Variants in ESR2 observed in about 807,000 individuals in gnomAD.
ESR2 encodes the protein estrogen receptor 2.
A neutral mutation model predicts 49.6 loss-of-function variants in ESR2; 36 were observed. The ratio of observed to expected loss-of-function variants is 0.73; its 90% CI spans 0.56 to 0.96. The LOEUF (loss-of-function observed/expected upper bound fraction) is 0.96. Ranked by LOEUF, ESR2 falls within the 40% of genes least tolerant of loss-of-function variation. The pLI, the probability that ESR2 is intolerant of heterozygous loss-of-function variation, is 0.00. For synonymous variants in ESR2, 320 were observed against 266.1 expected (o/e 1.20, Z -1.97); for missense variants, 714 against 693.0 (o/e 1.03, Z -0.34).
At chr14:64,246,018 G>T (rs2075848732) in intron 7 of ESR2, among the ~76,000 whole-genome samples, 1 of 152,224 alleles carries the variant, frequency 6.6e-6, no homozygotes, top group Admixed American at 6.5e-5. Context: ...GTCAGAAAGG[G>T]TTGATCTTAT....
chr14:64,313,090 A>G (rs1489711106), intron 1 of ESR2, among the ~76,000 whole-genome samples: 3 of 152,198 alleles, frequency 2.0e-5, no homozygotes, highest in African/African-American at 7.2e-5. Context: ...AGTGTCAAAC[A>G]AAGTAGACTT....
intron 3 of ESR2, among the ~76,000 whole-genome samples, chr14:64,274,230 G>C (rs972453494): frequency 1.4e-4 from 22 of 152,014 alleles, no homozygotes; most frequent in East Asian, 3.9e-4. Context: ...TTATAGGTAT[G>C]AGCCATTGTG....
intron 2 of ESR2, among the ~76,000 whole-genome samples, chr14:64,281,499 TTC>T (rs2076667750): frequency 6.6e-6 from 1 of 152,118 alleles, no homozygotes; most frequent in Non-Finnish European, 1.5e-5. Flanking sequence ...AATGTTTATA[TTC>T]TCTTTACCAA....
downstream of ESR2, chr14:64,227,588 G>A (rs755655602): frequency 6.8e-6 from 11 of 1,614,086 alleles, 1 homozygote; most frequent in South Asian, 1.2e-4. Context: ...TCCAAATGAG[G>A]TGAGTGTTTG....
intron 1 of ESR2, among the ~76,000 whole-genome samples, chr14:64,285,864 A>G (rs2076777524): frequency 6.6e-6 from 1 of 151,968 alleles, no homozygotes; most frequent in Non-Finnish European, 1.5e-5. Flanking sequence ...AGAAAAAAAA[A>G]AGGAAATTCA....
intron 1 of ESR2, among the ~76,000 whole-genome samples, chr14:64,326,675 C>G (rs2140901610): frequency 6.6e-6 from 1 of 152,304 alleles, no homozygotes; most frequent in African/African-American, 2.4e-5. Context: ...ACCACCTACA[C>G]CTAGATCCAA....
At chr14:64,265,241 T>A (rs1567758023) in intron 4 of ESR2, among the ~76,000 whole-genome samples, 1 of 152,170 alleles carries the variant, frequency 6.6e-6, no homozygotes. Context: ...TATTAGGCAG[T>A]GGTAAATAGC....
At chr14:64,311,119 GA>G (rs2077183300) in intron 1 of ESR2, among the ~76,000 whole-genome samples, 1 of 152,138 alleles carries the variant, frequency 6.6e-6, no homozygotes, top group South Asian at 2.1e-4. Context: ...AAATTACAGT[GA>G]AAGAATATTA....
Position 64,318,537 on chromosome 14 carries a change from C to CAAAAAAAAA in ESR2, c.-91+19352_-91+19360dup, listed in dbSNP as rs58597271. 3.9e-3 allele frequency among the ~76,000 whole-genome samples: 127 copies of CAAAAAAAAA among 32,408 alleles called. 1 individual carries two copies. The highest frequency in any genetic ancestry group is 5.6e-3 in the Non-Finnish European group (98 of 17,476). 21.3% of individuals were successfully genotyped at this position (32,408 alleles called of 152,430 possible). A position where few individuals can be genotyped will look rare whatever the true frequency, so the allele number is the denominator to read the frequency against. On this transcript the variant is annotated intron_variant, in intron 1 of 8. Transcript: ENST00000358599. The stretch of plus-strand genomic sequence containing the variant: ...GGGCGACAAGAACGAAACTCCATCT[C>CAAAAAAAAA]AAAAAAAAAAAAAAAAAAAAAAAAA...
chr14:64,267,136 C>T (rs2076348268), intron 4 of ESR2, among the ~76,000 whole-genome samples: 1 of 152,208 alleles, frequency 6.6e-6, no homozygotes, highest in African/African-American at 2.4e-5. Flanking sequence ...GCCTTGGCCT[C>T]CCAAAGTGCT....
rs2076698451 is a variant in ESR2 at position 64,282,655 on chromosome 14, T to C, written c.331A>G (p.Arg111Gly). Reference sequence around the variant, plus strand: ...ACAGGTAAGGTGTGTTCTAGCGATCTTGCTTCACACCAGGGACTCTTTTGA... The same window carrying C: ...ACAGGTAAGGTGTGTTCTAGCGATCCTGCTTCACACCAGGGACTCTTTTGA... ...EPQKSPWCEA[R>G]SLEHTLPVNR... Residue 111 changes from arginine to glycine, a missense_variant, in exon 2 of 9, where the codon AGA becomes GGA. Physicochemically the swap from Arg to Gly is moderately radical, Grantham distance 125. Transcript: ENST00000341099. 2 of 1,609,084 alleles carry C rather than the reference T, an allele frequency of 1.2e-6. No individual in the cohort carries two copies. The highest frequency in any genetic ancestry group is 1.7e-6 in the Non-Finnish European group (2 of 1,175,616).
Position 64,260,728 on chromosome 14 carries a change from CA to C in ESR2, c.672del (p.Cys224TrpfsTer40). The C allele has an allele frequency of 6.6e-7, 1 of 1,507,952 alleles. No individual in the cohort carries two copies. Among genetic ancestry groups the C allele is most frequent in the Admixed American group, 2.2e-5 (1 of 44,898 alleles). The allele number at this position is 1,507,952 out of a possible 1,614,324, so 93.4% of individuals were successfully genotyped here. A position where few individuals can be genotyped will look rare whatever the true frequency, so the allele number is the denominator to read the frequency against. The stretch of plus-strand genomic sequence containing the variant: ...CTCTGTCTCCGCACAAGGCGGTACC[CA>C]CATCTCTCTCTCCGGGAGCCTGAAG... ...MVKCGSRRER[C>X]GYRLVRRQRS... On this transcript the variant is annotated frameshift_variant, in exon 5 of 9. Transcript: ENST00000341099. LOFTEE classifies it high-confidence loss of function.
intron 6 of ESR2, among the ~76,000 whole-genome samples, chr14:64,253,604 G>GTATATGTATGTGTGTGTGTA (rs10696080): frequency 1.3e-4 from 19 of 142,908 alleles, no homozygotes; most frequent in African/African-American, 4.8e-4. Context: ...GTGTGTGTGT[G>GTATATGTATGTGTGTGTGTA]TATGTATGTG....
At chr14:64,237,311 T>G (rs1247918469) in intron 7 of ESR2, among the ~76,000 whole-genome samples, 1 of 152,216 alleles carries the variant, frequency 6.6e-6, no homozygotes, top group Non-Finnish European at 1.5e-5. Flanking sequence ...ATGGTAAATA[T>G]GCATGCTAAT....
upstream of ESR2, among the ~76,000 whole-genome samples, chr14:64,296,868 G>A (rs1378625155): frequency 6.6e-6 from 1 of 152,180 alleles, no homozygotes; most frequent in African/African-American, 2.4e-5. Flanking sequence ...GACTCACCCT[G>A]TCCATCAAGA....
At chr14:64,234,671 G>A (rs2098730689) in intron 8 of ESR2, 1 of 530,492 alleles carries the variant, frequency 1.9e-6, no homozygotes, top group Non-Finnish European at 3.2e-6. Context: ...GGCAGTTCGT[G>A]TTAGGGGAGG....
At chr14:64,302,797 A>T (rs1253629913) in intron 1 of ESR2, among the ~76,000 whole-genome samples, 2 of 151,424 alleles carry the variant, frequency 1.3e-5, no homozygotes, top group Non-Finnish European at 2.9e-5. Flanking sequence ...TGTTGTTGTT[A>T]TTGTTGTTTT....
chr14:64,268,988 A>G, intron 3 of ESR2, 77 bp from the exon 4 acceptor site: 1 of 855,282 alleles, frequency 1.2e-6, no homozygotes, highest in Non-Finnish European at 1.9e-6. Context: ...AACAACACTG[A>G]TAACACTTTC....
intron 8 of ESR2, chr14:64,233,927 C>CA (rs2140611119): frequency 6.5e-6 from 1 of 152,804 alleles, no homozygotes; most frequent in African/African-American, 2.4e-5. Context: ...ACCAAAAGCA[C>CA]AAAAATGTAA....
Sources: gnomAD v4.1 joint callset for allele counts (sites outside exome capture counted in the v4.1 genomes callset) on GRCh38, gnomAD v4.1.1 for gene constraint, MANE v1.5 for transcripts, NCBI Gene and HGNC (gene_info 2026-07-23, HGNC 2026-07-21) for gene names.